RAB30: variants seen among roughly 807,000 people sequenced by gnomAD.
The protein encoded by RAB30 is RAB30, member RAS oncogene family, also known as ras-related protein Rab-30.
Under a neutral mutation model 25.1 loss-of-function variants are expected in RAB30, and 9 were observed. The ratio of observed to expected loss-of-function variants is 0.36; its 90% confidence interval spans 0.22 to 0.63. The LOEUF is 0.63. Ranked by LOEUF, RAB30 falls within the 20% of genes least tolerant of loss-of-function variation. The pLI, the probability that RAB30 is intolerant of heterozygous loss-of-function variation, is 0.69. For synonymous variants in RAB30, 77 were observed against 86.4 expected (o/e 0.89, Z 0.60); for missense variants, 140 against 243.5 (o/e 0.58, Z 2.83).
chr11:83,033,055 C>CCTTTTTTT (rs1565284142), intron 1 of RAB30, among the ~76,000 whole-genome samples: 1 of 77,864 alleles, frequency 1.3e-5, no homozygotes. Flanking sequence ...GCCTCAAATT[C>CCTTTTTTT]TTTTTTTTTT....
intron 1 of RAB30, among the ~76,000 whole-genome samples, chr11:83,033,804 C>T (rs541057922): frequency 6.6e-6 from 1 of 152,246 alleles, no homozygotes; most frequent in South Asian, 2.1e-4. Context: ...CCTCAGAAAA[C>T]TGCATCACCC....
Position 83,061,600 on chromosome 11 carries a change from G to A in RAB30, c.-9+10091C>T, listed in dbSNP as rs561128231. Among the ~76,000 whole-genome samples, 17 of 151,944 alleles carry A rather than the reference G, an allele frequency of 1.1e-4. No individual in the cohort carries two copies. In the South Asian group the frequency reaches 1.2e-3, roughly 11 times the overall value. On this transcript the variant is annotated intron_variant, in intron 1 of 4. Transcript: ENST00000527633. ...AAAAAGTATCTGTGTGTGTGCACAC[G>A]TGTGTGTGTATGTGTGTAAAGACAA...
At chr11:83,043,454 C>A (rs1185438024) in intron 1 of RAB30, among the ~76,000 whole-genome samples, 2 of 152,118 alleles carry the variant, frequency 1.3e-5, no homozygotes, top group Non-Finnish European at 2.9e-5. Context: ...TAAGTTTTGA[C>A]ATGATTTGTT....
chr11:82,985,410 G>A (rs1856721292), intron 4 of RAB30, among the ~76,000 whole-genome samples: 1 of 152,176 alleles, frequency 6.6e-6, no homozygotes, highest in Non-Finnish European at 1.5e-5. Flanking sequence ...CTTCCTGCCT[G>A]TTCTATGAGA....
chr11:83,020,776 T>C (rs1857556426), intron 1 of RAB30, among the ~76,000 whole-genome samples: 1 of 152,174 alleles, frequency 6.6e-6, no homozygotes, highest in African/African-American at 2.4e-5. Flanking sequence ...CAACCAGTTG[T>C]AGAGAGGAGC....
In RAB30 at chr11:82,982,073, G is replaced by C. The variant is rs568828238; in HGVS notation, c.*92C>G. 3 of 1,544,100 alleles carry C rather than the reference G, an allele frequency of 1.9e-6. No homozygotes were observed. The highest frequency in any genetic ancestry group is 2.6e-6 in the Non-Finnish European group (3 of 1,133,754). ...AGCCCACAGGAGTCAGAAGGTCAGAGAGCGGGAGCCACAGTCATCGCCAGA... is the reference window on the plus strand; with the variant it reads ...AGCCCACAGGAGTCAGAAGGTCAGACAGCGGGAGCCACAGTCATCGCCAGA... On this transcript the variant is annotated 3_prime_UTR_variant, in exon 5 of 5. Coordinates refer to ENST00000527633, the MANE Select transcript of RAB30 (RefSeq NM_001286060.2).
Position 83,071,761 on chromosome 11 carries a change from G to A in RAB30, c.-79C>T, listed in dbSNP as rs1858853123. On this transcript the variant is annotated 5_prime_UTR_variant, in exon 1 of 5. Transcript: ENST00000527633. Reference sequence around the variant, plus strand: ...ATGTGCGAATGAGTCACGCACGCAAGGGAAGGTCTGCGATGTCCTGAGTCC... The same window carrying A: ...ATGTGCGAATGAGTCACGCACGCAAAGGAAGGTCTGCGATGTCCTGAGTCC... The A allele has an allele frequency of 7.3e-6, 2 of 272,122 alleles. No individual in the cohort carries two copies. The highest frequency in any genetic ancestry group is 3.4e-4 in the South Asian group (2 of 5,904). The allele number at this position is 272,122 out of a possible 1,614,324, so 16.9% of individuals were successfully genotyped here. A position where few individuals can be genotyped will look rare whatever the true frequency, so the allele number is the denominator to read the frequency against.
chr11:83,051,614 TGACA>T (rs1292626826), intron 1 of RAB30, among the ~76,000 whole-genome samples: 3 of 151,932 alleles, frequency 2.0e-5, no homozygotes, highest in Non-Finnish European at 4.4e-5. Context: ...AACAAACTGA[TGACA>T]GTCCACGAAA....
intron 1 of RAB30, among the ~76,000 whole-genome samples, chr11:83,018,617 G>A (rs1406877142): frequency 6.6e-6 from 1 of 152,116 alleles, no homozygotes; most frequent in Non-Finnish European, 1.5e-5. Context: ...CATAGTTTGT[G>A]AGTATTTTCT....
At chr11:83,013,075 T>C (rs928745876) in intron 1 of RAB30, among the ~76,000 whole-genome samples, 2 of 152,156 alleles carry the variant, frequency 1.3e-5, no homozygotes, top group African/African-American at 4.8e-5. Flanking sequence ...TTTTAAAATT[T>C]ATTTTCATTT....
At chr11:83,043,247 C>G (rs904661599) in intron 1 of RAB30, among the ~76,000 whole-genome samples, 1 of 152,166 alleles carries the variant, frequency 6.6e-6, no homozygotes, top group African/African-American at 2.4e-5. Context: ...CTAGCCTGTT[C>G]TAGACCCCTC....
chr11:83,043,644 G>T (rs1201552147), intron 1 of RAB30, among the ~76,000 whole-genome samples: 2 of 152,090 alleles, frequency 1.3e-5, no homozygotes, highest in Non-Finnish European at 2.9e-5. Flanking sequence ...CTACCCCCTA[G>T]TGTAAATATG....
chr11:83,042,932 T>C (rs72950874), intron 1 of RAB30, among the ~76,000 whole-genome samples: 1,874 of 152,296 alleles, frequency 0.012, 14 homozygotes, highest in Non-Finnish European at 0.019. Context: ...CTTGTTTGGA[T>C]CCTGGATTAA....
intron 1 of RAB30, among the ~76,000 whole-genome samples, chr11:83,036,410 T>C (rs771400052): frequency 4.6e-5 from 7 of 152,120 alleles, no homozygotes; most frequent in Non-Finnish European, 8.8e-5. Context: ...TCAAGTGATC[T>C]TCCTGCCTCG....
intron 1 of RAB30, among the ~76,000 whole-genome samples, chr11:83,008,096 C>G (rs755520800): frequency 6.6e-6 from 1 of 152,180 alleles, no homozygotes. Context: ...TTGGCTGGAC[C>G]GGAAGAACCT....
intron 1 of RAB30, chr11:83,041,304 C>A: frequency 5.5e-6 from 1 of 181,992 alleles, no homozygotes; most frequent in South Asian, 1.3e-4. Flanking sequence ...GGGCCTCAAT[C>A]ACATGCTCCT....
At chr11:83,009,686 G>C (rs2374325) in intron 1 of RAB30, among the ~76,000 whole-genome samples, 33,071 of 152,086 alleles carry the variant, frequency 0.22, 4,299 homozygotes, top group Admixed American at 0.29. Flanking sequence ...AAGATAAACA[G>C]ATAAATAAAT....
intron 1 of RAB30, among the ~76,000 whole-genome samples, chr11:83,027,095 G>C (rs1436154632): frequency 6.6e-6 from 1 of 152,144 alleles, no homozygotes; most frequent in African/African-American, 2.4e-5. Context: ...CCAAAGGCCT[G>C]TCTCTGGGGA....
Position 83,071,852 on chromosome 11 carries a change from A to G in RAB30, c.-170T>C. The G allele has an allele frequency of 2.7e-6, 1 of 368,482 alleles. No homozygotes were observed. Among genetic ancestry groups the G allele is most frequent in the Non-Finnish European group, 4.8e-6 (1 of 207,672 alleles). The allele number at this position is 368,482 out of a possible 1,614,324, so 22.8% of individuals were successfully genotyped here. The stretch of plus-strand genomic sequence containing the variant: ...CTTAGCTCAGCTGGAGCGAGCGGCA[A>G]TCGCAAGCCCAGCAGCAGCAGGGGG... On this transcript the variant is annotated 5_prime_UTR_variant, in exon 1 of 5. Transcript: ENST00000527633.
Sources: gnomAD v4.1 joint callset for allele counts (sites outside exome capture counted in the v4.1 genomes callset) on GRCh38, gnomAD v4.1.1 for gene constraint, MANE v1.5 for transcripts, NCBI Gene and HGNC (gene_info 2026-07-23, HGNC 2026-07-21) for gene names.